The following ZFAND3 variants were observed in gnomAD, a reference collection of about 807,000 sequenced individuals.
ZFAND3 encodes the protein AN1-type zinc finger protein 3.
A neutral mutation model predicts 29.6 loss-of-function variants in ZFAND3; 10 were observed. That is an observed-to-expected ratio of 0.34 (90% CI 0.21 to 0.57). ZFAND3 has a LOEUF of 0.57. Ranked by LOEUF, ZFAND3 falls within the 20% of genes least tolerant of loss-of-function variation. The probability of loss-of-function intolerance (pLI) is 0.86; values close to 1 mark genes in which losing one functional copy is unlikely to be tolerated. For synonymous variants in ZFAND3, 128 were observed against 112.6 expected, an observed-to-expected ratio of 1.14 and a Z score of -0.87; for missense variants, 230 against 304.5, an observed-to-expected ratio of 0.76 and a Z score of 1.82.
At chr6:38,038,926 T>C (rs576926710) in intron 2 of ZFAND3, among the ~76,000 whole-genome samples, 24 of 152,338 alleles carry the variant, frequency 1.6e-4, no homozygotes, top group African/African-American at 5.3e-4. Flanking sequence ...TCAAGCTAAC[T>C]GGGATCTGGC....
chr6:37,957,012 G>GA lies in ZFAND3; in HGVS notation c.112+27021dup, dbSNP rs766724068. On this transcript the variant is annotated intron_variant, in intron 2 of 5. Transcript: ENST00000287218. ...CTCGCTGAGTTTCTAGGGATATTGT[G>GA]AAAAAAAATGTACTCATTTATGAAA... is the stretch of plus-strand genomic sequence containing the variant. 9.8e-4 allele frequency among the ~76,000 whole-genome samples: 149 copies of GA among 151,772 alleles called. 3 individuals are homozygous for GA. Among genetic ancestry groups the GA allele is most frequent in the Middle Eastern group, 6.3e-3 (2 of 316 alleles).
intron 1 of ZFAND3, among the ~76,000 whole-genome samples, chr6:37,838,298 A>G (rs2127372160): frequency 6.6e-6 from 1 of 152,352 alleles, no homozygotes; most frequent in South Asian, 2.1e-4. Flanking sequence ...GCTTAATTTA[A>G]AAAATATTGA....
chr6:37,868,247 A>T lies in ZFAND3; in HGVS notation c.71+48231A>T, dbSNP rs528924885. On this transcript the variant is annotated intron_variant, in intron 1 of 5. Transcript: ENST00000287218. Reference sequence around the variant, plus strand: ...GGGCATTCCCTGCCCTGTAGGAGTGATAGTTGAATAGAAAGAAAAACAAAG... The same window carrying T: ...GGGCATTCCCTGCCCTGTAGGAGTGTTAGTTGAATAGAAAGAAAAACAAAG... 1.1e-4 allele frequency among the ~76,000 whole-genome samples: 16 copies of T among 152,302 alleles called. No individual in the cohort carries two copies. The South Asian group carries it at 1.9e-3, about 18-fold the overall frequency.
chr6:38,039,191 G>A (rs1763713954), intron 2 of ZFAND3, among the ~76,000 whole-genome samples: 1 of 152,154 alleles, frequency 6.6e-6, no homozygotes, highest in Non-Finnish European at 1.5e-5. Flanking sequence ...TACAAGGTAT[G>A]TCTTATTCCT....
intron 2 of ZFAND3, among the ~76,000 whole-genome samples, chr6:37,953,623 T>C (rs1762038107): frequency 6.6e-6 from 1 of 151,856 alleles, no homozygotes; most frequent in Admixed American, 6.6e-5. Context: ...GCTATTTTTT[T>C]TTATTTTTTG....
intron 5 of ZFAND3, among the ~76,000 whole-genome samples, chr6:38,146,253 G>C (rs143280466): frequency 3.9e-5 from 6 of 152,330 alleles, no homozygotes; most frequent in South Asian, 2.1e-4. Flanking sequence ...CTTCCCCCCA[G>C]ATCACAGGGG....
At position 38,080,852 on chromosome 6, in the gene ZFAND3, G is replaced by A. The variant is rs183135258; in HGVS notation, c.296-1540G>A. 1.8e-4 allele frequency among the ~76,000 whole-genome samples: 27 copies of A among 152,200 alleles called. No homozygotes were observed. In the East Asian group the frequency reaches 3.9e-3, roughly 22 times the overall value. ...TCTTCTTGTTCCCTGTTTTCATGTCGCAGTTTACCATTTGAACCTCTGGAA... is the reference window on the plus strand; with the variant it reads ...TCTTCTTGTTCCCTGTTTTCATGTCACAGTTTACCATTTGAACCTCTGGAA... On this transcript the variant is annotated intron_variant, in intron 3 of 5. Transcript: ENST00000287218.
chr6:37,935,489 A>G (rs936165897), intron 2 of ZFAND3, among the ~76,000 whole-genome samples: 1 of 152,168 alleles, frequency 6.6e-6, no homozygotes, highest in African/African-American at 2.4e-5. Context: ...CTACCTCTTA[A>G]TGCAGTTTTT....
chr6:38,087,581 T>G (rs1457415426), intron 4 of ZFAND3, among the ~76,000 whole-genome samples: 1 of 152,182 alleles, frequency 6.6e-6, no homozygotes, highest in South Asian at 2.1e-4. Context: ...AACAGACATA[T>G]AAAAAGTTGC....
intron 5 of ZFAND3, among the ~76,000 whole-genome samples, chr6:38,144,696 A>G (rs1176817630): frequency 1.3e-5 from 2 of 152,216 alleles, no homozygotes; most frequent in Admixed American, 1.3e-4. Flanking sequence ...AAACATTTGC[A>G]AATGAGGTAA....
intron 2 of ZFAND3, among the ~76,000 whole-genome samples, chr6:37,982,398 T>G (rs1478851682): frequency 6.6e-6 from 1 of 152,134 alleles, no homozygotes; most frequent in African/African-American, 2.4e-5. Context: ...GTAAATGACA[T>G]AAGCAGTGGA....
At chr6:38,042,709 G>GT (rs1009804764) in intron 2 of ZFAND3, among the ~76,000 whole-genome samples, 3 of 152,176 alleles carry the variant, frequency 2.0e-5, no homozygotes, top group Non-Finnish European at 4.4e-5. Context: ...AAAAACAAGA[G>GT]TATCTTTTCA....
At chr6:38,011,385 T>C (rs558245652) in intron 2 of ZFAND3, among the ~76,000 whole-genome samples, 74 of 152,278 alleles carry the variant, frequency 4.9e-4, no homozygotes, top group Non-Finnish European at 9.0e-4. Context: ...TGCCAAACTG[T>C]TTTCCAGAGT....
intron 2 of ZFAND3, among the ~76,000 whole-genome samples, chr6:38,026,947 T>C (rs1438860797): frequency 6.6e-6 from 1 of 152,208 alleles, no homozygotes; most frequent in Non-Finnish European, 1.5e-5. Context: ...TTGAATCAAT[T>C]AGTGTTTACT....
intron 1 of ZFAND3, among the ~76,000 whole-genome samples, chr6:37,867,952 T>G (rs950988581): frequency 2.0e-4 from 30 of 152,360 alleles, no homozygotes; most frequent in African/African-American, 6.3e-4. Flanking sequence ...AACTTCCTCC[T>G]TTTTTCTTTT....
At chr6:37,830,709 A>G (rs1211941779) in intron 1 of ZFAND3, among the ~76,000 whole-genome samples, 3 of 152,136 alleles carry the variant, frequency 2.0e-5, no homozygotes, top group African/African-American at 7.2e-5. Flanking sequence ...GCCACAACCT[A>G]TTAATTCCAT....
intron 1 of ZFAND3, among the ~76,000 whole-genome samples, chr6:37,887,449 T>A (rs1459354487): frequency 6.6e-6 from 1 of 152,230 alleles, no homozygotes; most frequent in Non-Finnish European, 1.5e-5. Context: ...TAGGTAACCT[T>A]AATGTATATT....
intron 1 of ZFAND3, among the ~76,000 whole-genome samples, chr6:37,867,009 A>G (rs1163438263): frequency 3.3e-5 from 5 of 152,262 alleles, no homozygotes; most frequent in African/African-American, 1.2e-4. Flanking sequence ...TGTCTCAGAC[A>G]GATGATGACT....
intron 1 of ZFAND3, among the ~76,000 whole-genome samples, chr6:37,860,083 C>T (rs1204963117): frequency 6.7e-6 from 1 of 149,410 alleles, no homozygotes; most frequent in African/African-American, 2.5e-5. Context: ...GGGGTTTCAC[C>T]AGGTCTCGAA....
Sources: allele counts gnomAD v4.1 joint callset (sites outside exome capture counted in the v4.1 genomes callset), GRCh38; gene constraint gnomAD v4.1.1; transcripts MANE v1.5; gene names NCBI Gene and HGNC (gene_info 2026-07-23, HGNC 2026-07-21).